Variants in OLFM1 observed in about 807,000 individuals in gnomAD.
OLFM1 encodes noelin.
A neutral mutation model predicts 49.7 loss-of-function variants in OLFM1; 9 were observed. The ratio of observed to expected loss-of-function variants is 0.18; its 90% CI spans 0.11 to 0.32. The LOEUF (loss-of-function observed/expected upper bound fraction) is 0.32, where lower values mean the gene tolerates loss of function less well. Ranked by LOEUF, OLFM1 falls within the 10% of genes least tolerant of loss-of-function variation. The pLI, the probability that OLFM1 is intolerant of heterozygous loss-of-function variation, is 1.00. For synonymous variants in OLFM1, 240 were observed against 271.8 expected (o/e 0.88, Z 1.15); for missense variants, 369 against 661.8 (o/e 0.56, Z 4.85).
chr9:135,114,402 C>A (rs1456606069), intron 5 of OLFM1, among the ~76,000 whole-genome samples: 1 of 152,056 alleles, frequency 6.6e-6, no homozygotes, highest in Non-Finnish European at 1.5e-5. Context: ...AGCGTAAGCC[C>A]CCATGCCCAG....
upstream of OLFM1, among the ~76,000 whole-genome samples, chr9:135,087,027 C>T (rs1208225969): frequency 2.0e-5 from 3 of 152,206 alleles, no homozygotes; most frequent in African/African-American, 7.2e-5. Context: ...CCACGGCAGA[C>T]CACCCCAGCC....
At chr9:135,104,010 T>C (rs773809725) in intron 4 of OLFM1, among the ~76,000 whole-genome samples, 24 of 152,196 alleles carry the variant, frequency 1.6e-4, no homozygotes, top group Non-Finnish European at 2.6e-4. Context: ...CATTCATTAA[T>C]TCATTCCATA....
chr9:135,103,968 G>A (rs943864205), intron 4 of OLFM1, among the ~76,000 whole-genome samples: 1 of 152,208 alleles, frequency 6.6e-6, no homozygotes, highest in African/African-American at 2.4e-5. Flanking sequence ...CCTTCGACTT[G>A]GGAGGCTTTT....
At chr9:135,097,958 C>G in intron 3 of OLFM1, 1 of 1,440,048 alleles carries the variant, frequency 6.9e-7, no homozygotes, top group Non-Finnish European at 9.1e-7. Context: ...CCTTTGCATG[C>G]GACTGTAGCT....
intron 5 of OLFM1, among the ~76,000 whole-genome samples, chr9:135,118,582 G>A (rs1179379767): frequency 1.4e-5 from 2 of 145,538 alleles, no homozygotes; most frequent in South Asian, 2.2e-4. Flanking sequence ...GGTCTTTGGA[G>A]TGCTTGCTGG....
intron 5 of OLFM1, among the ~76,000 whole-genome samples, chr9:135,107,294 C>G (rs546355214): frequency 6.6e-6 from 1 of 152,242 alleles, no homozygotes; most frequent in Non-Finnish European, 1.5e-5. Context: ...ATTTGTATTT[C>G]ATTTGCCATT....
rs545241358 is a variant in OLFM1, at chr9:135,103,862, T to C, written c.677-2887T>C. 2.6e-5 allele frequency among the ~76,000 whole-genome samples: 4 copies of C among 152,158 alleles called. No individual in the cohort carries two copies. In the East Asian group the frequency reaches 5.8e-4, roughly 22 times the overall value. On this transcript the variant is annotated intron_variant, in intron 4 of 5. Transcript: ENST00000371793. The stretch of plus-strand genomic sequence containing the variant: ...ACAGCAGCCTTCCGAGGGGGCACTG[T>C]TGTTATTAGCCCATCTATAGAGAAG...
rs1457417214 is a variant in OLFM1 at position 135,092,657 on chromosome 9, G to A, written c.300+2313G>A. Among the ~76,000 whole-genome samples the A allele has an allele frequency of 5.3e-5, 8 of 152,320 alleles. No individual in the cohort carries two copies. In the South Asian group the frequency reaches 1.5e-3, roughly 28 times the overall value. ...AGCCCAGGGAGGAGGCATTTGCGGGGAGAGCAGAGAGTTGGGAAATGGATT... is the reference window on the plus strand; with the variant it reads ...AGCCCAGGGAGGAGGCATTTGCGGGAAGAGCAGAGAGTTGGGAAATGGATT... On this transcript the variant is annotated intron_variant, in intron 2 of 5. Transcript: ENST00000371793.
intron 1 of OLFM1, chr9:135,077,157 C>T (rs996407396): frequency 8.4e-6 from 13 of 1,548,594 alleles, no homozygotes; most frequent in East Asian, 2.4e-5. Context: ...TGTGCACACA[C>T]ACACACACAC....
chr9:135,087,516 G>C, upstream of OLFM1: 3 of 1,373,528 alleles, frequency 2.2e-6, no homozygotes, highest in Non-Finnish European at 2.9e-6. Flanking sequence ...GGGCGGACTG[G>C]AGTTTGCAGA....
chr9:135,081,195 C>G (rs1830527550), intron 1 of OLFM1, among the ~76,000 whole-genome samples: 1 of 152,090 alleles, frequency 6.6e-6, no homozygotes, highest in African/African-American at 2.4e-5. Flanking sequence ...GCCCATCCAC[C>G]CAGCACATAT....
intron 5 of OLFM1, among the ~76,000 whole-genome samples, chr9:135,107,207 C>T (rs1250145052): frequency 1.3e-5 from 2 of 152,224 alleles, no homozygotes; most frequent in African/African-American, 4.8e-5. Flanking sequence ...AGCCGAAACC[C>T]AGCCCTGACT....
chr9:135,109,460 GA>G (rs1055645278), intron 5 of OLFM1, among the ~76,000 whole-genome samples: 7 of 152,162 alleles, frequency 4.6e-5, no homozygotes, highest in African/African-American at 1.4e-4. Flanking sequence ...AGCCGCAGGA[GA>G]AGGGATCCCT....
rs1830518332 is a variant in OLFM1 at position 135,080,474 on chromosome 9, G to C, written c.96+4672G>C. On this transcript the variant is annotated intron_variant, in intron 1 of 5. Coordinates refer to the OLFM1 transcript ENST00000252854. This position sits in a 1 kb window ranked among gnomAD's most constrained non-coding sequence, Gnocchi z 4.5. The stretch of plus-strand genomic sequence containing the variant: ...TGGCAATGCCTCTGGACACACGGAG[G>C]GAGAGGGGCACCCTCCCCTTTCCCA... 6.6e-6 allele frequency among the ~76,000 whole-genome samples: 1 copy of C among 152,130 alleles called. No homozygotes were observed. The highest frequency in any genetic ancestry group is 2.4e-5 in the African/African-American group (1 of 41,438).
At chr9:135,091,813 A>G (rs911046569) in intron 2 of OLFM1, among the ~76,000 whole-genome samples, 12 of 147,492 alleles carry the variant, frequency 8.1e-5, no homozygotes, top group South Asian at 4.4e-4. Context: ...ACACACTCAC[A>G]TAGTCACACA....
At chr9:135,076,519 T>G in intron 1 of OLFM1, 1 of 1,256,446 alleles carries the variant, frequency 8.0e-7, no homozygotes, top group Non-Finnish European at 1.1e-6. Context: ...TAAAGATGCA[T>G]ATTGGAGCTG....
chr9:135,095,723 A>G, intron 2 of OLFM1, 141 bp from the exon 3 acceptor site: 1 of 827,768 alleles, frequency 1.2e-6, no homozygotes, highest in Non-Finnish European at 2.0e-6. Context: ...GCTGGCGATT[A>G]CCTTGTAAAT....
chr9:135,096,034 C>T lies in OLFM1; in HGVS notation c.456+15C>T, dbSNP rs1041481686. ...GGCAGTTTAAGGTATGCATGTTCCTCCCCCTCTCCCTCCCCTTATCCTCCT... is the reference window on the plus strand; with the variant it reads ...GGCAGTTTAAGGTATGCATGTTCCTTCCCCTCTCCCTCCCCTTATCCTCCT... On this transcript the variant is annotated intron_variant, in intron 3 of 5. Coordinates refer to ENST00000371793, the MANE Select transcript of OLFM1 (RefSeq NM_001282611.2). 6.2e-7 allele frequency: 1 copy of T among 1,600,872 alleles called. No homozygotes were observed. The highest frequency in any genetic ancestry group is 8.5e-7 in the Non-Finnish European group (1 of 1,172,308).
intron 4 of OLFM1, among the ~76,000 whole-genome samples, chr9:135,100,813 G>A (rs550781378): frequency 5.3e-5 from 8 of 152,326 alleles, no homozygotes; most frequent in African/African-American, 1.9e-4. Context: ...CAGATCCTGA[G>A]CTCAGCACTG....
Sources: gnomAD v4.1 joint callset for allele counts (sites outside exome capture counted in the v4.1 genomes callset) on GRCh38, gnomAD v4.1.1 for gene constraint, Gnocchi (gnomAD v3.1) non-coding constraint, MANE v1.5 for transcripts, NCBI Gene and HGNC (gene_info 2026-07-23, HGNC 2026-07-21) for gene names.